The following TCEAL5 variants were observed in gnomAD, a reference collection of about 807,000 sequenced individuals.
TCEAL5 encodes the protein transcription elongation factor A like 5, also known as transcription elongation factor A protein-like 5.
For missense variants in TCEAL5, 111 were observed against 158.1 expected (o/e 0.70, Z 1.60); for synonymous variants, 65 against 61.2 (o/e 1.06, Z -0.29).
chrX:103,274,664 T>C, intron 2 of TCEAL5, 74 bp from the exon 3 acceptor site: 1 of 1,028,844 alleles, frequency 9.7e-7, no homozygotes, highest in African/African-American at 1.9e-5. Context: ...GTACTTGTCT[T>C]TCTTAACTTA....
intron 1 of TCEAL5, among the ~76,000 whole-genome samples, chrX:103,276,120 T>G (rs1925552227): frequency 9.0e-6 from 1 of 111,558 alleles, no homozygotes; most frequent in South Asian, 3.8e-4. Flanking sequence ...GGTCACTGAC[T>G]GTGCCCGCCT....
In TCEAL5 at chrX:103,274,509, C is replaced by G; in HGVS notation, c.55G>C (p.Glu19Gln). The part of the protein sequence containing the change: ...EGKPENERNL[E>Q]SEGKPEDEGS... ...TCATCCTCTGGCTTTCCCTCACTTT[C>G]TAGGTTTCTTTCATTCTCTGGCTTT... Residue 19 changes from glutamate to glutamine, a missense_variant, in exon 3 of 3, where the codon GAA (glutamate) becomes CAA (glutamine). Transcript: ENST00000372680. 1 of 1,208,265 alleles carries G rather than the reference C, an allele frequency of 8.3e-7. No individual in the cohort carries two copies. The highest frequency in any genetic ancestry group is 3.0e-5 in the East Asian group (1 of 33,821).
In TCEAL5 at chrX:103,273,730, G is replaced by T; in HGVS notation, c.*213C>A. The T allele has an allele frequency of 2.0e-6, 1 of 500,411 alleles. No individual in the cohort carries two copies. The highest frequency in any genetic ancestry group is 3.2e-6 in the Non-Finnish European group (1 of 310,809). The allele number at this position is 500,411 out of a possible 1,213,427, so 41.2% of individuals were successfully genotyped here. A position where few individuals can be genotyped will look rare whatever the true frequency, so the allele number is the denominator to read the frequency against. Reference sequence around the variant, plus strand: ...CTCTTTTTTATTGTTATTTTACAATGTACCATGAACATTTATTCCATGCAC... The same window carrying T: ...CTCTTTTTTATTGTTATTTTACAATTTACCATGAACATTTATTCCATGCAC... On this transcript the variant is annotated 3_prime_UTR_variant, in exon 3 of 3. Transcript: ENST00000372680.
Position 103,274,149 on chromosome X carries a change from G to A in TCEAL5, c.415C>T (p.His139Tyr). 5 of 1,212,013 alleles carry A rather than the reference G, an allele frequency of 4.1e-6. No individual in the cohort carries two copies. In the East Asian group the frequency reaches 1.5e-4, roughly 36 times the overall value. The change falls in exon 3 of 3, where the codon CAT (histidine) becomes TAT (tyrosine). Residue 139 changes from histidine (H) to tyrosine (Y), a missense_variant. By Grantham distance (83) the His-to-Tyr change is moderately conservative. Transcript: ENST00000372680. Reference sequence around the variant, plus strand: ...CTCATCATCTCCTCACTGCTCAGATGCCTTTCTTGTAAGTCCTCCTGAGAG... The same window carrying A: ...CTCATCATCTCCTCACTGCTCAGATACCTTTCTTGTAAGTCCTCCTGAGAG... The part of the protein sequence containing the change: ...KDSQEDLQER[H>Y]LSSEEMMREC...
intron 2 of TCEAL5, among the ~76,000 whole-genome samples, chrX:103,275,069 T>C (rs1164102034): frequency 9.0e-6 from 1 of 111,582 alleles, no homozygotes. Context: ...TACACCTCCA[T>C]TCTCTTACTT....
In TCEAL5 at chrX:103,273,952, T is replaced by C. The variant is rs989933718; in HGVS notation, c.612A>G (p.Pro204=). 9 of 1,209,506 alleles carry C rather than the reference T, an allele frequency of 7.4e-6. No individual in the cohort carries two copies. The African/African-American group carries it at 1.4e-4, about 19-fold the overall frequency. The change falls in exon 3 of 3, where the codon CCA becomes CCG. Residue 204 remains proline, a synonymous_variant. Transcript: ENST00000372680. ...TTAAAGGCCAAAGACATTAAACATA[T>C]GGGACATCTTCTAAGTCTTTCTGGC... ...GRGQKDLEDV[P]YV is the part of the protein sequence containing the mutation.
At chrX:103,274,966 T>C (rs1291305569) in intron 2 of TCEAL5, among the ~76,000 whole-genome samples, 1 of 111,849 alleles carries the variant, frequency 8.9e-6, no homozygotes, top group African/African-American at 3.3e-5. Context: ...TGCATGCAGT[T>C]GTAAGACTTA....
Position 103,274,296 on chromosome X carries a change from G to A in TCEAL5, c.268C>T (p.Pro90Ser). The change falls in exon 3 of 3, where the codon CCA becomes TCA. Residue 90 changes from proline (P) to serine (S), a missense_variant. Pro to Ser is a moderately conservative substitution (Grantham distance 74). Transcript: ENST00000372680. The part of the protein sequence containing the change: ...GEDKPQSEGK[P>S]ASQAKPESQP... ...CTCTCTGGCTTGGCCTGGGAGGCTG[G>A]CTTGCCCTCACTTTGTGGCTTGTCC... 8.3e-7 allele frequency: 1 copy of A among 1,211,751 alleles called. No homozygotes were observed. The highest frequency in any genetic ancestry group is 1.1e-6 in the Non-Finnish European group (1 of 895,546).
At chrX:103,276,301 C>G (rs1925558314) in intron 1 of TCEAL5, among the ~76,000 whole-genome samples, 1 of 100,768 alleles carries the variant, frequency 9.9e-6, no homozygotes, top group Non-Finnish European at 2.0e-5. Context: ...CCCCTCCCCC[C>G]TCCCCGCCCC....
At chrX:103,274,618 A>C in intron 2 of TCEAL5, 28 bp from the exon 3 acceptor site, 1 of 1,145,066 alleles carries the variant, frequency 8.7e-7, no homozygotes, top group Non-Finnish European at 1.2e-6. Context: ...GACACAGGAC[A>C]CTGAGGGCTT....
intron 1 of TCEAL5, among the ~76,000 whole-genome samples, chrX:103,275,593 C>T (rs1925543198): frequency 9.0e-6 from 1 of 111,639 alleles, no homozygotes. Context: ...CTGAATCTTC[C>T]TCCCAAATTT....
In TCEAL5 at chrX:103,274,686, G is replaced by A. The variant is rs572369272; in HGVS notation, c.-27-96C>T. Reference sequence around the variant, plus strand: ...TCTTTCTTAACTTAGGGTTTTCCTGGCCCTATCCCATCTTCCAGGTGCACT... The same window carrying A: ...TCTTTCTTAACTTAGGGTTTTCCTGACCCTATCCCATCTTCCAGGTGCACT... On this transcript the variant is annotated intron_variant, in intron 2 of 2. Transcript: ENST00000372680. The A allele has an allele frequency of 1.9e-5, 17 of 877,715 alleles. No homozygotes were observed. The South Asian group carries it at 4.7e-4, about 24-fold the overall frequency. The allele number at this position is 877,715 out of a possible 1,213,427, so 72.3% of individuals were successfully genotyped here.
intron 2 of TCEAL5, among the ~76,000 whole-genome samples, chrX:103,274,963 A>G (rs1317680798): frequency 2.7e-5 from 3 of 111,668 alleles, no homozygotes; most frequent in Non-Finnish European, 5.6e-5. Flanking sequence ...CCTTGCATGC[A>G]GTTGTAAGAC....
intron 2 of TCEAL5, 103 bp downstream of exon 2, chrX:103,275,172 G>A (rs1925536082): frequency 8.9e-6 from 1 of 111,749 alleles, no homozygotes; most frequent in African/African-American, 3.3e-5. Context: ...GCAAGAGGGA[G>A]GATTGGAGGA....
intron 1 of TCEAL5, among the ~76,000 whole-genome samples, chrX:103,276,273 C>A (rs1835008529): frequency 9.1e-6 from 1 of 109,414 alleles, no homozygotes; most frequent in Non-Finnish European, 1.9e-5. Context: ...CAACCCTTGA[C>A]CTCTCTCGAG....
At chrX:103,276,287 C>T in intron 1 of TCEAL5, among the ~76,000 whole-genome samples, 1 of 103,329 alleles carries the variant, frequency 9.7e-6, no homozygotes, top group East Asian at 3.1e-4. Flanking sequence ...TCTCGAGTTC[C>T]GCCCCCCTCC....
intron 2 of TCEAL5, 58 bp from the exon 3 acceptor site, chrX:103,274,648 C>T (rs907053602): frequency 1.9e-6 from 2 of 1,067,260 alleles, no homozygotes; most frequent in African/African-American, 1.9e-5. Context: ...AACACAGGTC[C>T]TTATAGTACT....
chrX:103,275,232 C>T (rs1395412012), intron 2 of TCEAL5, 43 bp downstream of exon 2: 1 of 111,682 alleles, frequency 9.0e-6, no homozygotes, highest in African/African-American at 3.3e-5. Flanking sequence ...TTAAGTTACT[C>T]CTACTCCCAA....
In TCEAL5 at chrX:103,274,341, G is replaced by C; in HGVS notation, c.223C>G (p.Gln75Glu). The C allele has an allele frequency of 1.7e-6, 2 of 1,211,253 alleles. No individual in the cohort carries two copies. Among genetic ancestry groups the C allele is most frequent in the Non-Finnish European group, 2.2e-6 (2 of 895,385 alleles). The change falls in exon 3 of 3, where the codon CAG becomes GAG. Residue 75 changes from glutamine to glutamate, a missense_variant. Physicochemically the swap from Gln to Glu is conservative, Grantham distance 29 (BLOSUM62 2). Transcript: ENST00000372680. ...TTGTCCTCACCTTCAGACTTGCCCT[G>C]CTTTTCCTGGTTTCCCTCATCTTCC... is the stretch of plus-strand genomic sequence containing the variant. ...QLEDEGNQEK[Q>E]GKSEGEDKPQ...
Sources: gnomAD v4.1 joint callset for allele counts (sites outside exome capture counted in the v4.1 genomes callset) on GRCh38, gnomAD v4.1.1 for gene constraint, MANE v1.5 for transcripts, NCBI Gene and HGNC (gene_info 2026-07-23, HGNC 2026-07-21) for gene names.